The following SNCAIP variants were observed in gnomAD, a reference collection of about 807,000 sequenced individuals.
SNCAIP encodes synphilin-1.
Under a neutral mutation model 86.7 loss-of-function variants are expected in SNCAIP, and 43 were observed. The ratio of observed to expected loss-of-function variants is 0.50; its 90% CI spans 0.39 to 0.64. The LOEUF (loss-of-function observed/expected upper bound fraction) is 0.64, where lower values mean the gene tolerates loss of function less well. Among genes scored for constraint, SNCAIP ranks in the 30% least tolerant of loss-of-function variants. The pLI, the probability that SNCAIP is intolerant of heterozygous loss-of-function variation, is 0.00. For missense variants in SNCAIP, 981 were observed against 1,103.1 expected, an observed-to-expected ratio of 0.89 and a Z score of 1.57; for synonymous variants, 417 against 427.2, an observed-to-expected ratio of 0.98 and a Z score of 0.29.
intron 3 of SNCAIP, among the ~76,000 whole-genome samples, chr5:122,411,819 T>C (rs181194374): frequency 6.6e-6 from 1 of 152,260 alleles, no homozygotes; most frequent in Admixed American, 6.5e-5. Flanking sequence ...GGTATTCGTT[T>C]ATGCACATTC....
chr5:122,351,169 A>G (rs1185356783), intron 1 of SNCAIP, among the ~76,000 whole-genome samples: 1 of 151,980 alleles, frequency 6.6e-6, no homozygotes, highest in Non-Finnish European at 1.5e-5. Context: ...CTGCTTTGTG[A>G]TATCTTCTCG....
rs565568033 is a variant in SNCAIP, at chr5:122,396,348, T to C, written c.57+5157T>C. Among the ~76,000 whole-genome samples, 91 of 152,264 alleles carry C rather than the reference T, an allele frequency of 6.0e-4. 3 individuals are homozygous for C. Among genetic ancestry groups the C allele is most frequent in the South Asian group, 1.9e-3 (9 of 4,826 alleles). ...AATCTAGGTTCCCAAACTCCAAATC[T>C]TGGACTGGAGACCTCTGCCAGAGAA... is the stretch of plus-strand genomic sequence containing the variant. On this transcript the variant is annotated intron_variant, in intron 2 of 10. Transcript: ENST00000261368.
At chr5:122,432,806 T>C (rs1347115892) in intron 6 of SNCAIP, among the ~76,000 whole-genome samples, 1 of 152,082 alleles carries the variant, frequency 6.6e-6, no homozygotes, top group Non-Finnish European at 1.5e-5. Flanking sequence ...TGACTGTGAG[T>C]TATCTTTTTA....
At chr5:122,452,854 G>A (rs1345905350) in intron 10 of SNCAIP, 1 of 956,678 alleles carries the variant, frequency 1.0e-6, no homozygotes, top group African/African-American at 1.6e-5. Flanking sequence ...CATGCTTCAT[G>A]TTTACTGGGA....
intron 1 of SNCAIP, among the ~76,000 whole-genome samples, chr5:122,383,963 G>T (rs1232105974): frequency 6.6e-6 from 1 of 152,214 alleles, no homozygotes; most frequent in Admixed American, 6.5e-5. Context: ...GGTAAGGTGT[G>T]TTAGAGACAC....
At chr5:122,346,383 A>C (rs1051553027) in intron 1 of SNCAIP, among the ~76,000 whole-genome samples, 1 of 152,060 alleles carries the variant, frequency 6.6e-6, no homozygotes, top group Non-Finnish European at 1.5e-5. Flanking sequence ...AAAACTCAAA[A>C]ATGTATTTGC....
At chr5:122,393,048 C>T (rs1465399960) in intron 2 of SNCAIP, among the ~76,000 whole-genome samples, 1 of 152,072 alleles carries the variant, frequency 6.6e-6, no homozygotes. Flanking sequence ...ATAACTAAAA[C>T]CGTTTAGCAA....
At chr5:122,376,800 C>T (rs1371991575) in intron 1 of SNCAIP, among the ~76,000 whole-genome samples, 1 of 152,112 alleles carries the variant, frequency 6.6e-6, no homozygotes, top group Non-Finnish European at 1.5e-5. Flanking sequence ...ATGGTCATGG[C>T]AGCACTCTGA....
At chr5:122,395,939 A>T (rs1459200053) in intron 2 of SNCAIP, among the ~76,000 whole-genome samples, 1 of 152,132 alleles carries the variant, frequency 6.6e-6, no homozygotes, top group African/African-American at 2.4e-5. Flanking sequence ...CAACACTTTC[A>T]TGTGGCCTCT....
At chr5:122,440,903 C>G in intron 7 of SNCAIP, 149 bp downstream of exon 7, 2 of 762,110 alleles carry the variant, frequency 2.6e-6, no homozygotes, top group Non-Finnish European at 4.3e-6. Flanking sequence ...ATTTGTGTTT[C>G]CAGAAATCCA....
chr5:122,353,665 T>C (rs539830239), intron 1 of SNCAIP, among the ~76,000 whole-genome samples: 1 of 152,302 alleles, frequency 6.6e-6, no homozygotes, highest in East Asian at 1.9e-4. Context: ...GGATTTCCCC[T>C]GCACAAGCTC....
rs191576195 is a variant in SNCAIP at position 122,335,244 on chromosome 5, A to T, written c.-47+22960A>T. Among the ~76,000 whole-genome samples the T allele has an allele frequency of 3.9e-5, 6 of 152,268 alleles. No homozygotes were observed. In the East Asian group the frequency reaches 1.2e-3, roughly 29 times the overall value. ...AGTTTGAGATGAACAATTGCCAAGG[A>T]CTCGAAAGATAGGCTTTTTGTGTGT... On this transcript the variant is annotated intron_variant, in intron 1 of 10. Coordinates refer to ENST00000261368, the MANE Select transcript of SNCAIP (RefSeq NM_005460.4).
At chr5:122,320,641 C>G (rs185210639) in intron 1 of SNCAIP, among the ~76,000 whole-genome samples, 88 of 152,284 alleles carry the variant, frequency 5.8e-4, no homozygotes, top group Non-Finnish European at 1.1e-3. Context: ...GTTTAGAGTG[C>G]TTCAGGTTTC....
intron 10 of SNCAIP, among the ~76,000 whole-genome samples, chr5:122,457,804 A>C: frequency 6.6e-6 from 1 of 152,226 alleles, no homozygotes; most frequent in East Asian, 1.9e-4. Context: ...ATTAAGCGAC[A>C]GTTCCTTCTT....
chr5:122,359,444 A>C lies in SNCAIP; in HGVS notation c.-46-31645A>C, dbSNP rs189708710. 2.0e-3 allele frequency among the ~76,000 whole-genome samples: 311 copies of C among 151,762 alleles called. 2 individuals carry two copies. In the Middle Eastern group the frequency reaches 0.027, roughly 13 times the overall value. ...AGTGGTGCGATACCAGCTCACTGGAACCTCTGCCTCCTGGGTTCAAATGAT... is the reference window on the plus strand; with the variant it reads ...AGTGGTGCGATACCAGCTCACTGGACCCTCTGCCTCCTGGGTTCAAATGAT... On this transcript the variant is annotated intron_variant, in intron 1 of 10. Transcript: ENST00000261368.
chr5:122,367,957 A>G (rs1382525900), intron 1 of SNCAIP, among the ~76,000 whole-genome samples: 2 of 152,146 alleles, frequency 1.3e-5, no homozygotes, highest in Non-Finnish European at 2.9e-5. Context: ...GGTCTCTGAG[A>G]AACTCATTAG....
At chr5:122,365,503 AC>A (rs1294905717) in intron 1 of SNCAIP, among the ~76,000 whole-genome samples, 1 of 151,966 alleles carries the variant, frequency 6.6e-6, no homozygotes, top group East Asian at 1.9e-4. Context: ...ACATGGTGAA[AC>A]CCCATCTGTG....
chr5:122,447,124 G>T (rs936654386), intron 8 of SNCAIP, among the ~76,000 whole-genome samples: 2 of 152,124 alleles, frequency 1.3e-5, no homozygotes, highest in African/African-American at 4.8e-5. Flanking sequence ...TGAAGGCAGG[G>T]ATCAGGATGT....
At chr5:122,385,071 C>T (rs972238538) in intron 1 of SNCAIP, among the ~76,000 whole-genome samples, 5 of 152,332 alleles carry the variant, frequency 3.3e-5, no homozygotes, top group Middle Eastern at 3.4e-3. Context: ...CTCCATCCTT[C>T]GGCTTTCAGC....
Sources: allele counts gnomAD v4.1 joint callset (sites outside exome capture counted in the v4.1 genomes callset), GRCh38; gene constraint gnomAD v4.1.1; transcripts MANE v1.5; gene names NCBI Gene and HGNC (gene_info 2026-07-23, HGNC 2026-07-21).